TRIM26: variants seen among roughly 807,000 people sequenced by gnomAD.
The protein encoded by TRIM26 is tripartite motif containing 26.
A neutral mutation model predicts 45.5 loss-of-function variants in TRIM26; 16 were observed. The observed-to-expected ratio is 0.35, with a 90% CI of 0.24 to 0.53. The LOEUF (loss-of-function observed/expected upper bound fraction) is 0.53. Among genes scored for constraint, TRIM26 ranks in the 20% least tolerant of loss-of-function variants. The pLI, the probability that TRIM26 is intolerant of heterozygous loss-of-function variation, is 0.92. For synonymous variants in TRIM26, 273 were observed against 290.4 expected (o/e 0.94, Z 0.61); for missense variants, 442 against 691.1 (o/e 0.64, Z 4.04).
intron 1 of TRIM26, among the ~76,000 whole-genome samples, chr6:30,211,892 C>T (rs1581738946): frequency 1.3e-5 from 2 of 152,236 alleles, no homozygotes; most frequent in Middle Eastern, 3.4e-3. Context: ...AGAATAACTG[C>T]AAACAATAAT....
At chr6:30,192,786 T>C (rs1050954904) in intron 6 of TRIM26, among the ~76,000 whole-genome samples, 1 of 152,120 alleles carries the variant, frequency 6.6e-6, no homozygotes, top group Middle Eastern at 3.4e-3. Context: ...ATTAGGGAGG[T>C]AGCTGTCCAG....
intron 1 of TRIM26, among the ~76,000 whole-genome samples, chr6:30,206,485 G>A (rs1044871874): frequency 1.3e-5 from 2 of 152,270 alleles, no homozygotes; most frequent in Non-Finnish European, 2.9e-5. Flanking sequence ...GAGACAAGGC[G>A]TTAAATTGCC....
chr6:30,202,517 C>A (rs561918976), intron 2 of TRIM26, among the ~76,000 whole-genome samples: 2 of 152,266 alleles, frequency 1.3e-5, no homozygotes, highest in African/African-American at 4.8e-5. Flanking sequence ...GGAAGAGATC[C>A]AGTGGTTATC....
At chr6:30,193,961 A>G (rs1776208202) in intron 6 of TRIM26, among the ~76,000 whole-genome samples, 1 of 152,172 alleles carries the variant, frequency 6.6e-6, no homozygotes, top group Admixed American at 6.5e-5. Context: ...ATTAGTTCTA[A>G]GGGTTTTTTG....
At chr6:30,212,123 A>G (rs1284938178) in intron 1 of TRIM26, among the ~76,000 whole-genome samples, 1 of 152,212 alleles carries the variant, frequency 6.6e-6, no homozygotes, top group African/African-American at 2.4e-5. Context: ...GATAATGGCA[A>G]TCTACCTCTG....
At position 30,197,069 on chromosome 6, in the gene TRIM26, C is replaced by T. The variant is rs1340418901; in HGVS notation, c.535-323G>A. ...AACTCTGTGGGTCTCACTCATGAGC[C>T]GACGCACTTTTCCCTCCTGGACAAA... On this transcript the variant is annotated intron_variant, in intron 5 of 9. Coordinates refer to ENST00000454678, the MANE Select transcript of TRIM26 (RefSeq NM_003449.5). Among the ~76,000 whole-genome samples, 7 of 152,216 alleles carry T rather than the reference C, an allele frequency of 4.6e-5. No individual in the cohort carries two copies. The East Asian group carries it at 9.7e-4, about 21-fold the overall frequency.
chr6:30,195,451 AC>A (rs979270400), intron 6 of TRIM26, among the ~76,000 whole-genome samples: 7 of 151,592 alleles, frequency 4.6e-5, no homozygotes, highest in African/African-American at 1.7e-4. Context: ...GTGACCTGAC[AC>A]CCACCCCATG....
intron 9 of TRIM26, chr6:30,187,465 A>G: frequency 1.9e-6 from 1 of 521,510 alleles, no homozygotes; most frequent in South Asian, 1.4e-5. Flanking sequence ...AAGGGTACAA[A>G]TGCATGAAAT....
At chr6:30,211,755 G>A (rs776025388) in intron 1 of TRIM26, among the ~76,000 whole-genome samples, 1 of 152,118 alleles carries the variant, frequency 6.6e-6, no homozygotes, top group Non-Finnish European at 1.5e-5. Flanking sequence ...ACAGTAATTT[G>A]AGCAACAAAA....
In TRIM26 at chr6:30,196,931, T is replaced by C. The variant is rs1776542961; in HGVS notation, c.535-185A>G. ...CTCCGCTTCTCAAAGAAGACTCCAG[T>C]AATGAATTAGTTCAGTTCACCCCAC... On this transcript the variant is annotated intron_variant, in intron 5 of 9. Transcript: ENST00000454678. This position sits in a 1 kb window ranked among gnomAD's most constrained non-coding sequence, Gnocchi z 4.9. Among the ~76,000 whole-genome samples, 1 of 152,264 alleles carries C rather than the reference T, an allele frequency of 6.6e-6. No individual in the cohort carries two copies. The highest frequency in any genetic ancestry group is 1.9e-4 in the East Asian group (1 of 5,186).
Position 30,186,244 on chromosome 6 carries a change from AT to A in TRIM26, c.1251del (p.Glu417AspfsTer30). The A allele has an allele frequency of 6.2e-7, 1 of 1,600,402 alleles. No homozygotes were observed. Among genetic ancestry groups the A allele is most frequent in the Non-Finnish European group, 8.5e-7 (1 of 1,173,462 alleles). ...YDDWETDEDE[E>X]SLGDEEEEEE... ...TCTTCTTCCTCTTCATCGCCCAACG[AT>A]TCCTCATCTTCGTCCGTTTCCCAGT... On this transcript the variant is annotated frameshift_variant, in exon 10 of 10. Coordinates refer to ENST00000454678, the MANE Select transcript of TRIM26 (RefSeq NM_003449.5). LOFTEE classifies it low-confidence loss of function (END_TRUNC). This position sits in a 1 kb window ranked among gnomAD's most constrained non-coding sequence, Gnocchi z 7.4.
chr6:30,210,349 T>C, intron 1 of TRIM26, among the ~76,000 whole-genome samples: 1 of 152,116 alleles, frequency 6.6e-6, no homozygotes, highest in East Asian at 1.9e-4. Context: ...CAGCCCCTTC[T>C]TCACTCCCCA....
Position 30,199,220 on chromosome 6 carries a change from G to A in TRIM26, c.-117C>T. 1 of 982,356 alleles carries A rather than the reference G, an allele frequency of 1.0e-6. No homozygotes were observed. Among genetic ancestry groups the A allele is most frequent in the Non-Finnish European group, 1.5e-6 (1 of 684,508 alleles). The allele number at this position is 982,356 out of a possible 1,614,324, so 60.9% of individuals were successfully genotyped here. ...GGGCAAAGGTGGCAGCCTGCACAGG[G>A]CTGCCAGCTCCAGCACTCAGTCAAT... On this transcript the variant is annotated 5_prime_UTR_variant, in exon 4 of 10. Transcript: ENST00000454678.
At chr6:30,204,190 G>A (rs1416899049) in intron 2 of TRIM26, among the ~76,000 whole-genome samples, 1 of 152,180 alleles carries the variant, frequency 6.6e-6, no homozygotes, top group African/African-American at 2.4e-5. Context: ...AGGCTCAGCA[G>A]GGTTAAGCAA....
At chr6:30,194,400 G>C (rs978914810) in intron 6 of TRIM26, among the ~76,000 whole-genome samples, 7 of 152,188 alleles carry the variant, frequency 4.6e-5, no homozygotes, top group African/African-American at 1.7e-4. Context: ...GTGTTGTGCA[G>C]CATTGCAGGG....
At position 30,198,402 on chromosome 6, in the gene TRIM26, A is replaced by G; in HGVS notation, c.534+27T>C. The G allele has an allele frequency of 1.2e-6, 2 of 1,612,316 alleles. No homozygotes were observed. The highest frequency in any genetic ancestry group is 1.7e-6 in the Non-Finnish European group (2 of 1,179,756). On this transcript the variant is annotated intron_variant, in intron 5 of 9. Coordinates refer to ENST00000454678, the MANE Select transcript of TRIM26 (RefSeq NM_003449.5). The surrounding 1 kb of genome is among the most constrained non-coding windows in gnomAD (Gnocchi z 6.3). Reference sequence around the variant, plus strand: ...CTGCCCTACACGGGCGCACCGCCTCAGGGCTTCCTGAAACAGCCTCACTTA... The same window carrying G: ...CTGCCCTACACGGGCGCACCGCCTCGGGGCTTCCTGAAACAGCCTCACTTA...
chr6:30,199,071 T>C lies in TRIM26; in HGVS notation c.33A>G (p.Glu11=). 1 of 1,584,880 alleles carries C rather than the reference T, an allele frequency of 6.3e-7. No homozygotes were observed. Among genetic ancestry groups the C allele is most frequent in the South Asian group, 1.1e-5 (1 of 87,698 alleles). The change falls in exon 4 of 10, where the codon GAA becomes GAG. Residue 11 remains glutamate (E), a synonymous_variant. Coordinates refer to ENST00000454678, the MANE Select transcript of TRIM26 (RefSeq NM_003449.5). ...GACAGATGGAGCAGGTCACCTCCTC[T>C]TCCAGGCTCCGTAGTGGGGCTGACG... MATSAPLRSL[E]EEVTCSICLD...
Position 30,196,061 on chromosome 6 carries a change from C to T in TRIM26, c.765+455G>A, listed in dbSNP as rs1029135308. Among the ~76,000 whole-genome samples, 2 of 152,192 alleles carry T rather than the reference C, an allele frequency of 1.3e-5. No individual in the cohort carries two copies. The highest frequency in any genetic ancestry group is 2.4e-5 in the African/African-American group (1 of 41,436). On this transcript the variant is annotated intron_variant, in intron 6 of 9. Transcript: ENST00000454678. The surrounding 1 kb of genome is among the most constrained non-coding windows in gnomAD (Gnocchi z 4.9). ...AGAAAACCTGGCCATCTCTGTCTCC[C>T]TTCCCCAGTTACCCTATCTCTTCCA... is the stretch of plus-strand genomic sequence containing the variant.
Position 30,209,218 on chromosome 6 carries a change from C to A in TRIM26, c.-376+4087G>T, listed in dbSNP as rs1267435818. On this transcript the variant is annotated intron_variant, in intron 1 of 9. Coordinates refer to ENST00000454678, the MANE Select transcript of TRIM26 (RefSeq NM_003449.5). The surrounding 1 kb of genome is among the most constrained non-coding windows in gnomAD (Gnocchi z 4.8). ...TAAGCCATCAGCAAGGGAGTTAGTG[C>A]TTTTCATCAAATTTGAGACACCTGT... 6.6e-6 allele frequency among the ~76,000 whole-genome samples: 1 copy of A among 152,082 alleles called. No homozygotes were observed. The highest frequency in any genetic ancestry group is 1.5e-5 in the Non-Finnish European group (1 of 68,000).
Sources: gnomAD v4.1 joint callset for allele counts (sites outside exome capture counted in the v4.1 genomes callset) on GRCh38, gnomAD v4.1.1 for gene constraint, Gnocchi (gnomAD v3.1) non-coding constraint, MANE v1.5 for transcripts, NCBI Gene and HGNC (gene_info 2026-07-23, HGNC 2026-07-21) for gene names.